ANKS1B: variants seen among roughly 807,000 people sequenced by gnomAD.
The protein encoded by ANKS1B is ankyrin repeat and sterile alpha motif domain containing 1B.
In ANKS1B, 36 loss-of-function variants were observed where a neutral mutation model predicts 148.3. The ratio of observed to expected loss-of-function variants is 0.24; its 90% CI spans 0.19 to 0.32. ANKS1B has a LOEUF of 0.32. Ranked by LOEUF, ANKS1B falls within the 10% of genes least tolerant of loss-of-function variation. The pLI, the probability that ANKS1B is intolerant of heterozygous loss-of-function variation, is 1.00. For missense variants in ANKS1B, 1,157 were observed against 1,542.6 expected, an observed-to-expected ratio of 0.75 and a Z score of 4.19; for synonymous variants, 542 against 560.8, an observed-to-expected ratio of 0.97 and a Z score of 0.47.
At chr12:99,588,391 G>A (rs991170128) in intron 9 of ANKS1B, among the ~76,000 whole-genome samples, 5 of 150,802 alleles carry the variant, frequency 3.3e-5, no homozygotes, top group African/African-American at 1.2e-4. Context: ...TTAGAAATTT[G>A]TGTTCAGAGA....
chr12:98,866,164 A>G (rs539033695), intron 17 of ANKS1B, among the ~76,000 whole-genome samples: 60 of 152,280 alleles, frequency 3.9e-4, no homozygotes, highest in Admixed American at 7.2e-4. Flanking sequence ...GCAAGGCCCT[A>G]AAGAGGGCCT....
intron 8 of ANKS1B, among the ~76,000 whole-genome samples, chr12:99,672,560 A>G (rs972141996): frequency 6.6e-6 from 1 of 152,090 alleles, no homozygotes; most frequent in Non-Finnish European, 1.5e-5. Context: ...AAGTGCAGCT[A>G]CCTCCTCCAA....
intron 8 of ANKS1B, among the ~76,000 whole-genome samples, chr12:99,721,473 T>C (rs2058077300): frequency 6.6e-6 from 1 of 152,130 alleles, no homozygotes; most frequent in Admixed American, 6.5e-5. Flanking sequence ...GATGACATTG[T>C]CTTGTGAAAT....
intron 17 of ANKS1B, among the ~76,000 whole-genome samples, chr12:98,835,463 A>C (rs1314581093): frequency 6.6e-6 from 1 of 152,230 alleles, no homozygotes; most frequent in Non-Finnish European, 1.5e-5. Flanking sequence ...AAAGTCAATC[A>C]TGTTAAACAA....
At chr12:99,823,234 T>C (rs1850050925) in intron 2 of ANKS1B, among the ~76,000 whole-genome samples, 1 of 152,222 alleles carries the variant, frequency 6.6e-6, no homozygotes, top group Non-Finnish European at 1.5e-5. Context: ...TCTCCCATTC[T>C]ATAGTTTGTT....
intron 22 of ANKS1B, among the ~76,000 whole-genome samples, chr12:98,787,190 T>C (rs1335976621): frequency 2.6e-5 from 4 of 152,210 alleles, no homozygotes. Context: ...TGAAACTAGC[T>C]AGGTTGTGGG....
chr12:98,765,637 C>A (rs913315469), intron 25 of ANKS1B, among the ~76,000 whole-genome samples: 1 of 152,074 alleles, frequency 6.6e-6, no homozygotes, highest in Non-Finnish European at 1.5e-5. Flanking sequence ...GCTCACTGTA[C>A]TCACTGTAAC....
intron 1 of ANKS1B, among the ~76,000 whole-genome samples, chr12:99,900,482 G>A (rs1416539801): frequency 1.4e-5 from 2 of 143,816 alleles, no homozygotes; most frequent in African/African-American, 5.3e-5. Flanking sequence ...CTCCAGCCTG[G>A]GCGACAGAGT....
At chr12:99,476,792 A>G (rs1279616700) in intron 10 of ANKS1B, among the ~76,000 whole-genome samples, 1 of 152,164 alleles carries the variant, frequency 6.6e-6, no homozygotes, top group Non-Finnish European at 1.5e-5. Flanking sequence ...TTCATGGCTG[A>G]GGGTCTAGGT....
intron 1 of ANKS1B, among the ~76,000 whole-genome samples, chr12:99,862,038 T>C (rs986537608): frequency 6.6e-6 from 1 of 152,174 alleles, no homozygotes; most frequent in Admixed American, 6.5e-5. Context: ...CATGGTAGGT[T>C]TTCTCTCATT....
chr12:99,710,684 T>A (rs186357858), intron 8 of ANKS1B, among the ~76,000 whole-genome samples: 1 of 152,242 alleles, frequency 6.6e-6, no homozygotes, highest in Non-Finnish European at 1.5e-5. Flanking sequence ...TCCTTTTTAG[T>A]CAATATCTAT....
chr12:99,838,101 A>G (rs2085133086), intron 1 of ANKS1B, among the ~76,000 whole-genome samples: 1 of 152,066 alleles, frequency 6.6e-6, no homozygotes, highest in Admixed American at 6.6e-5. Flanking sequence ...CAAAGACATT[A>G]TTTCATTCTC....
At chr12:99,278,126 C>G (rs2077917241) in intron 12 of ANKS1B, among the ~76,000 whole-genome samples, 1 of 152,318 alleles carries the variant, frequency 6.6e-6, no homozygotes, top group African/African-American at 2.4e-5. Flanking sequence ...GAAGCAGCTG[C>G]CCATCAGGAA....
Position 99,341,873 on chromosome 12 carries a change from C to A in ANKS1B, c.1756+57758G>T, listed in dbSNP as rs189151857. 7.0e-4 allele frequency among the ~76,000 whole-genome samples: 107 copies of A among 152,202 alleles called. 2 individuals carry two copies. In the South Asian group the frequency reaches 0.021, roughly 30 times the overall value. ...CCCAGGTATTCTGATCAACATTCAC[C>A]TTTTAACTACTACAATATTTAATAA... On this transcript the variant is annotated intron_variant, in intron 12 of 26. Coordinates refer to ENST00000683438, the MANE Select transcript of ANKS1B (RefSeq NM_001352186.2).
intron 16 of ANKS1B, among the ~76,000 whole-genome samples, chr12:99,068,019 G>C (rs1304168399): frequency 6.6e-6 from 1 of 151,904 alleles, no homozygotes; most frequent in Non-Finnish European, 1.5e-5. Context: ...AATAGTTTTA[G>C]TAGTTATTAT....
intron 12 of ANKS1B, among the ~76,000 whole-genome samples, chr12:99,346,921 G>A (rs2090772882): frequency 6.6e-6 from 1 of 151,984 alleles, no homozygotes; most frequent in African/African-American, 2.4e-5. Context: ...CTGTAACCCA[G>A]TGGAAGAGGT....
At chr12:99,955,634 G>C (rs1019327775) in intron 1 of ANKS1B, among the ~76,000 whole-genome samples, 2 of 146,710 alleles carry the variant, frequency 1.4e-5, no homozygotes, top group Non-Finnish European at 3.0e-5. Flanking sequence ...CATGTGTTAA[G>C]ACCTCATTAT....
chr12:99,894,136 T>C (rs1373196084), intron 1 of ANKS1B, among the ~76,000 whole-genome samples: 1 of 151,500 alleles, frequency 6.6e-6, no homozygotes, highest in African/African-American at 2.4e-5. Flanking sequence ...AAGGTACAAA[T>C]GGACGAGCGC....
chr12:99,675,691 CAA>C (rs1567619508), intron 8 of ANKS1B, among the ~76,000 whole-genome samples: 1 of 151,628 alleles, frequency 6.6e-6, no homozygotes, highest in African/African-American at 2.4e-5. Context: ...TAGATGTGCA[CAA>C]AGATTTTTTA....
Sources: allele counts gnomAD v4.1 joint callset (sites outside exome capture counted in the v4.1 genomes callset), GRCh38; gene constraint gnomAD v4.1.1; transcripts MANE v1.5; gene names NCBI Gene and HGNC (gene_info 2026-07-23, HGNC 2026-07-21).